KCNH1: variants seen among roughly 807,000 people sequenced by gnomAD.
KCNH1 encodes the protein voltage-gated delayed rectifier potassium channel KCNH1.
Under a neutral mutation model 69.2 loss-of-function variants are expected in KCNH1, and 27 were observed. The ratio of observed to expected loss-of-function variants is 0.39; its 90% CI spans 0.29 to 0.54. The LOEUF is 0.54. Among genes scored for constraint, KCNH1 ranks in the 20% least tolerant of loss-of-function variants. KCNH1 has a pLI of 0.68. For synonymous variants in KCNH1, 456 were observed against 487.7 expected (o/e 0.93, Z 0.86); for missense variants, 798 against 1,261.6 (o/e 0.63, Z 5.57).
chr1:211,011,278 T>A (rs909751870), intron 6 of KCNH1, among the ~76,000 whole-genome samples: 1 of 152,200 alleles, frequency 6.6e-6, no homozygotes, highest in African/African-American at 2.4e-5. Flanking sequence ...GTTTCCAGCT[T>A]CATCCATGTC....
intron 7 of KCNH1, among the ~76,000 whole-genome samples, chr1:210,878,029 A>T (rs1686417500): frequency 6.6e-6 from 1 of 152,196 alleles, no homozygotes; most frequent in Non-Finnish European, 1.5e-5. Flanking sequence ...CCATATTTGA[A>T]CTTATAAGTC....
chr1:210,866,582 A>T (rs183944925), intron 7 of KCNH1, among the ~76,000 whole-genome samples: 192 of 152,300 alleles, frequency 1.3e-3, no homozygotes, highest in Non-Finnish European at 2.1e-3. Flanking sequence ...TACACCCATT[A>T]AAATGGCCAT....
chr1:210,778,648 G>A (rs886550083), intron 9 of KCNH1, among the ~76,000 whole-genome samples: 2 of 152,076 alleles, frequency 1.3e-5, no homozygotes, highest in African/African-American at 4.8e-5. Flanking sequence ...TGATACAAGA[G>A]AGAGCAAGGG....
At chr1:210,920,547 A>G (rs569431665) in intron 6 of KCNH1, among the ~76,000 whole-genome samples, 1 of 152,314 alleles carries the variant, frequency 6.6e-6, no homozygotes, top group South Asian at 2.1e-4. Flanking sequence ...GAAATACACC[A>G]AAATATTAAT....
intron 3 of KCNH1, 81 bp downstream of exon 3, chr1:211,103,415 C>T: frequency 1.1e-6 from 1 of 906,858 alleles, no homozygotes; most frequent in Non-Finnish European, 1.7e-6. Context: ...GAAGAAAAAC[C>T]AAGACAGCAA....
chr1:210,770,376 A>C (rs943044775), intron 10 of KCNH1, among the ~76,000 whole-genome samples: 1 of 152,244 alleles, frequency 6.6e-6, no homozygotes, highest in African/African-American at 2.4e-5. Flanking sequence ...ATAAATAAAC[A>C]AAATGCCAAA....
At chr1:211,094,280 C>T (rs771411360) in intron 3 of KCNH1, among the ~76,000 whole-genome samples, 2 of 152,184 alleles carry the variant, frequency 1.3e-5, no homozygotes, top group African/African-American at 2.4e-5. Flanking sequence ...CACCGCTGAT[C>T]TGACAGGAGG....
At chr1:210,728,260 T>G (rs1682656909) in intron 10 of KCNH1, among the ~76,000 whole-genome samples, 1 of 152,196 alleles carries the variant, frequency 6.6e-6, no homozygotes. Context: ...TGTGCCCTCT[T>G]TAGTGACAAT....
intron 6 of KCNH1, among the ~76,000 whole-genome samples, chr1:210,972,855 A>G (rs980830380): frequency 1.3e-5 from 2 of 150,200 alleles, no homozygotes; most frequent in African/African-American, 2.5e-5. Context: ...CCTTTCTACA[A>G]TCTTGCTTGA....
intron 5 of KCNH1, among the ~76,000 whole-genome samples, chr1:211,074,090 C>T (rs1690691751): frequency 8.3e-6 from 1 of 121,062 alleles, no homozygotes; most frequent in South Asian, 3.0e-4. Flanking sequence ...TCATTCATTC[C>T]ACCAATTAAA....
chr1:210,958,758 A>G (rs1240835536), intron 6 of KCNH1, among the ~76,000 whole-genome samples: 1 of 152,314 alleles, frequency 6.6e-6, no homozygotes, highest in East Asian at 1.9e-4. Context: ...TTTCAACTCC[A>G]TCAGGTCATT....
At chr1:210,773,458 G>T (rs747826003) in intron 10 of KCNH1, among the ~76,000 whole-genome samples, 1 of 152,180 alleles carries the variant, frequency 6.6e-6, no homozygotes, top group South Asian at 2.1e-4. Flanking sequence ...GCCTTCTCAG[G>T]TCTCTGTGCA....
Position 210,678,667 on chromosome 1 carries a change from T to A in KCNH1, c.*4614A>T, listed in dbSNP as rs1681193665. ...GAACTGCTCATAAGTAGAAGTGTCC[T>A]TGAGGTGTCGGTGAAATGTCGGATG... On this transcript the variant is annotated 3_prime_UTR_variant, in exon 11 of 11. Transcript: ENST00000271751. 1 of 152,238 alleles carries A rather than the reference T, an allele frequency of 6.6e-6. No homozygotes were observed. Among genetic ancestry groups the A allele is most frequent in the African/African-American group, 2.4e-5 (1 of 41,468 alleles). The allele number at this position is 152,238 out of a possible 1,614,324, so 9.4% of individuals were successfully genotyped here.
chr1:210,762,290 A>C (rs1428601822), intron 10 of KCNH1, among the ~76,000 whole-genome samples: 1 of 152,196 alleles, frequency 6.6e-6, no homozygotes, highest in African/African-American at 2.4e-5. Flanking sequence ...TAGATCTGAA[A>C]TTAACAACCT....
At chr1:211,038,840 A>C (rs1019494140) in intron 5 of KCNH1, among the ~76,000 whole-genome samples, 4 of 152,228 alleles carry the variant, frequency 2.6e-5, no homozygotes, top group Non-Finnish European at 4.4e-5. Flanking sequence ...TTCAGTTTTA[A>C]AAGGGAAACA....
At chr1:211,032,023 G>A (rs1689795074) in intron 5 of KCNH1, among the ~76,000 whole-genome samples, 1 of 152,186 alleles carries the variant, frequency 6.6e-6, no homozygotes, top group Non-Finnish European at 1.5e-5. Flanking sequence ...CATCATCTCA[G>A]CCCAAAATCT....
chr1:211,055,955 C>T (rs1229402696), intron 5 of KCNH1, among the ~76,000 whole-genome samples: 1 of 152,270 alleles, frequency 6.6e-6, no homozygotes, highest in African/African-American at 2.4e-5. Context: ...AGAGTCAGAG[C>T]CATGCTGGCT....
At chr1:210,884,138 A>G (rs2102512674) in intron 7 of KCNH1, among the ~76,000 whole-genome samples, 2 of 152,336 alleles carry the variant, frequency 1.3e-5, no homozygotes, top group East Asian at 3.9e-4. Context: ...AGGCACGTGC[A>G]TGCATAGAGC....
intron 6 of KCNH1, among the ~76,000 whole-genome samples, chr1:210,934,742 C>T (rs954344197): frequency 6.6e-6 from 1 of 151,714 alleles, no homozygotes; most frequent in African/African-American, 2.4e-5. Flanking sequence ...CATACCATCT[C>T]GTTGCAGTTA....
Sources: allele counts gnomAD v4.1 joint callset (sites outside exome capture counted in the v4.1 genomes callset), GRCh38; gene constraint gnomAD v4.1.1; transcripts MANE v1.5; gene names NCBI Gene and HGNC (gene_info 2026-07-23, HGNC 2026-07-21).